Variants in TOX3 observed in about 807,000 individuals in gnomAD.
The protein encoded by TOX3 is CAG trinucleotide repeat-containing gene F9 protein.
In TOX3, 22 loss-of-function variants were observed where a neutral mutation model predicts 64.3. That is an observed-to-expected ratio of 0.34 (90% CI 0.24 to 0.49). TOX3 has a LOEUF of 0.49. Among genes scored for constraint, TOX3 ranks in the 20% least tolerant of loss-of-function variants. The pLI is 0.99. For missense variants in TOX3, 661 were observed against 714.4 expected (o/e 0.93, Z 0.85); for synonymous variants, 291 against 273.6 (o/e 1.06, Z -0.63).
chr16:52,501,569 A>G (rs537957316), intron 1 of TOX3, among the ~76,000 whole-genome samples: 2 of 152,008 alleles, frequency 1.3e-5, no homozygotes, highest in Non-Finnish European at 2.9e-5. Flanking sequence ...CTGAAGCAGG[A>G]GAATCGCTTG....
intron 1 of TOX3, among the ~76,000 whole-genome samples, chr16:52,515,011 C>CAAAAAA (rs56746564): frequency 6.3e-5 from 1 of 15,842 alleles, no homozygotes; most frequent in Non-Finnish European, 1.3e-4. Context: ...GACTCCATCT[C>CAAAAAA]AAAAAAAAAA....
intron 1 of TOX3, among the ~76,000 whole-genome samples, chr16:52,506,277 C>T (rs766625076): frequency 6.6e-6 from 1 of 152,148 alleles, no homozygotes; most frequent in Non-Finnish European, 1.5e-5. Flanking sequence ...ATACACATGT[C>T]CAAAGGTCTA....
intron 5 of TOX3, 26 bp downstream of exon 5, chr16:52,445,968 G>A (rs1258354639): frequency 1.9e-6 from 3 of 1,593,620 alleles, no homozygotes; most frequent in Non-Finnish European, 1.7e-6. Flanking sequence ...GTTTATTGAT[G>A]GAGCCTTGAT....
rs979527811 is a variant in TOX3, at chr16:52,450,597, A to G, written c.409-51T>C. 2.5e-6 allele frequency: 4 copies of G among 1,608,170 alleles called. No individual in the cohort carries two copies. The East Asian group carries it at 6.7e-5, about 27-fold the overall frequency. On this transcript the variant is annotated intron_variant, in intron 3 of 6. Coordinates refer to ENST00000219746, the MANE Select transcript of TOX3 (RefSeq NM_001080430.4). ...AAATATTTCAGCTTTTCCAGATATC[A>G]GTGAACTTATCAGGTTAGCATCTCC...
intron 1 of TOX3, among the ~76,000 whole-genome samples, chr16:52,480,636 C>T (rs1393780398): frequency 6.6e-6 from 1 of 152,184 alleles, no homozygotes; most frequent in Non-Finnish European, 1.5e-5. Context: ...CTTTCACTAA[C>T]CAATAGTAAA....
At chr16:52,543,173 T>C (rs1372988642) in intron 1 of TOX3, among the ~76,000 whole-genome samples, 1 of 152,222 alleles carries the variant, frequency 6.6e-6, no homozygotes, top group Admixed American at 6.5e-5. Flanking sequence ...CACAGTATCT[T>C]ATTTTGGGAT....
Position 52,450,282 on chromosome 16 carries a change from T to C in TOX3, c.673A>G (p.Asn225Asp), listed in dbSNP as rs1960293997. ...CTAAGGCAGTTCTAACTTACTCTGT[T>C]GGCTTCATCAGCATCCTCTTCATTG... ...SINEEDADEA[N>D]RAIGEKRAAP... The change falls in exon 4 of 7, where the codon AAC (asparagine) becomes GAC (aspartate). Residue 225 changes from asparagine (N) to aspartate (D), a missense_variant. By Grantham distance (23) the Asn-to-Asp change is conservative. Coordinates refer to ENST00000219746, the MANE Select transcript of TOX3 (RefSeq NM_001080430.4). The C allele has an allele frequency of 1.2e-6, 2 of 1,613,934 alleles. No individual in the cohort carries two copies. Among genetic ancestry groups the C allele is most frequent in the Non-Finnish European group, 8.5e-7 (1 of 1,179,886 alleles).
At chr16:52,459,638 C>T (rs966054444) in intron 3 of TOX3, among the ~76,000 whole-genome samples, 4 of 152,278 alleles carry the variant, frequency 2.6e-5, no homozygotes, top group African/African-American at 9.6e-5. Context: ...GCTCCCCAGC[C>T]TCTATTGACA....
rs181516418 is a variant in TOX3, at chr16:52,507,024, T to C, written c.88-38450A>G. On this transcript the variant is annotated intron_variant, in intron 1 of 6. Transcript: ENST00000219746. ...ACAAAACAGTGATGGACTCTGAAAG[T>C]GAAGAGACCCATAGAGTTCACATGT... Among the ~76,000 whole-genome samples the C allele has an allele frequency of 4.5e-4, 69 of 152,284 alleles. 1 individual carries two copies. The highest frequency in any genetic ancestry group is 1.6e-3 in the African/African-American group (68 of 41,560).
chr16:52,541,275 G>A (rs146137911), intron 1 of TOX3, among the ~76,000 whole-genome samples: 1 of 152,134 alleles, frequency 6.6e-6, no homozygotes, highest in Non-Finnish European at 1.5e-5. Context: ...AGATGCACTT[G>A]ATCTGCAATT....
intron 1 of TOX3, among the ~76,000 whole-genome samples, chr16:52,536,831 A>T (rs1434079508): frequency 2.7e-5 from 4 of 150,596 alleles, no homozygotes; most frequent in Non-Finnish European, 5.9e-5. Context: ...CTGGAAGTGC[A>T]GTGGTGTGTG....
chr16:52,485,052 T>TAC (rs139274101), intron 1 of TOX3, among the ~76,000 whole-genome samples: 2 of 145,676 alleles, frequency 1.4e-5, no homozygotes, highest in Admixed American at 6.7e-5. Flanking sequence ...TATATATATA[T>TAC]ACACACACAC....
chr16:52,524,888 G>A (rs1962692011), intron 1 of TOX3, among the ~76,000 whole-genome samples: 1 of 151,304 alleles, frequency 6.6e-6, no homozygotes, highest in African/African-American at 2.4e-5. Context: ...TTCCCTCCCT[G>A]GCTCACCCAC....
Position 52,439,127 on chromosome 16 carries a change from T to C in TOX3, c.*98A>G. On this transcript the variant is annotated 3_prime_UTR_variant, in exon 7 of 7. Coordinates refer to ENST00000219746, the MANE Select transcript of TOX3 (RefSeq NM_001080430.4). ...GACCGTTTGATCTGTTACACATTTCTGCATAACCAACACCAACTTACAGGT... is the reference window on the plus strand; with the variant it reads ...GACCGTTTGATCTGTTACACATTTCCGCATAACCAACACCAACTTACAGGT... 1 of 1,551,764 alleles carries C rather than the reference T, an allele frequency of 6.4e-7. No individual in the cohort carries two copies. Among genetic ancestry groups the C allele is most frequent in the Non-Finnish European group, 8.8e-7 (1 of 1,141,234 alleles).
chr16:52,453,066 T>C (rs1012056811), intron 3 of TOX3, among the ~76,000 whole-genome samples: 2 of 152,216 alleles, frequency 1.3e-5, no homozygotes, highest in African/African-American at 4.8e-5. Flanking sequence ...ATCTATTCAG[T>C]CTTCCATGTT....
intron 1 of TOX3, among the ~76,000 whole-genome samples, chr16:52,488,162 G>A (rs1390526714): frequency 6.6e-6 from 1 of 152,026 alleles, no homozygotes; most frequent in East Asian, 1.9e-4. Flanking sequence ...CCAACTTCAG[G>A]CTTTCTCTTC....
chr16:52,444,499 GCACACACACA>G (rs200173557), intron 5 of TOX3, 143 bp from the exon 6 acceptor site: 59 of 380,872 alleles, frequency 1.5e-4, no homozygotes, highest in African/African-American at 6.2e-4. Context: ...GTTAGCGCAT[GCACACACACA>G]CACACACACA....
chr16:52,465,556 G>A (rs1450828226), intron 2 of TOX3, among the ~76,000 whole-genome samples: 1 of 136,940 alleles, frequency 7.3e-6, no homozygotes. Flanking sequence ...CAAACTTATA[G>A]TTCATTTACT....
intron 5 of TOX3, chr16:52,445,068 C>T (rs1178903109): frequency 1.3e-5 from 2 of 152,204 alleles, no homozygotes; most frequent in South Asian, 2.1e-4. Context: ...AGGTGCAGCA[C>T]TTTTCCAGTC....
Sources: allele counts gnomAD v4.1 joint callset (sites outside exome capture counted in the v4.1 genomes callset), GRCh38; gene constraint gnomAD v4.1.1; transcripts MANE v1.5; gene names NCBI Gene and HGNC (gene_info 2026-07-23, HGNC 2026-07-21).